Variants in EXOSC1 observed in about 807,000 individuals in gnomAD.
The protein encoded by EXOSC1 is exosome complex component CSL4.
EXOSC1 carries 27 observed loss-of-function variants against 31.4 expected under a neutral mutation model. The ratio of observed to expected loss-of-function variants is 0.86; its 90% CI spans 0.63 to 1.18. The LOEUF (loss-of-function observed/expected upper bound fraction) is 1.18, where lower values mean the gene tolerates loss of function less well. Among genes scored for constraint, EXOSC1 ranks in the 50% most tolerant of loss-of-function variants. The pLI is 0.00. For synonymous variants in EXOSC1, 84 were observed against 89.5 expected (o/e 0.94, Z 0.35); for missense variants, 228 against 250.3 (o/e 0.91, Z 0.60).
chr10:97,444,289 C>CT (rs1159317900), intron 2 of EXOSC1: 38 of 152,316 alleles, frequency 2.5e-4, no homozygotes, highest in African/African-American at 8.9e-4. Flanking sequence ...TGAGCCTCAT[C>CT]TTTTATCAAT....
intron 3 of EXOSC1, among the ~76,000 whole-genome samples, chr10:97,441,792 G>GTT (rs760097494): frequency 3.1e-5 from 4 of 128,248 alleles, no homozygotes; most frequent in South Asian, 2.6e-4. Flanking sequence ...ATCCGGCTGG[G>GTT]TTTTTTTTTT....
intron 5 of EXOSC1, 90 bp downstream of exon 5, chr10:97,438,580 C>T (rs1055350525): frequency 8.5e-5 from 103 of 1,212,656 alleles, no homozygotes; most frequent in African/African-American, 5.5e-4. Flanking sequence ...ACTGGGATTA[C>T]GGGTGTGTGT....
intron 6 of EXOSC1, 70 bp downstream of exon 6, chr10:97,437,630 G>T: frequency 1.4e-6 from 2 of 1,463,874 alleles, no homozygotes; most frequent in South Asian, 2.3e-5. Context: ...TTACAGGCAT[G>T]AGCCACCACA....
intron 2 of EXOSC1, among the ~76,000 whole-genome samples, 185 bp from the exon 3 acceptor site, chr10:97,443,496 T>A (rs1265275051): frequency 6.6e-6 from 1 of 152,238 alleles, no homozygotes; most frequent in African/African-American, 2.4e-5. Context: ...GGCTACAGAA[T>A]GCTGCTAGAA....
Position 97,441,874 on chromosome 10 carries a change from TAAA to T in EXOSC1, c.223-618_223-616del, listed in dbSNP as rs1006887767. On this transcript the variant is annotated intron_variant, in intron 3 of 7. Transcript: ENST00000370902. ...TTTTAAAGTATAGATGGCTAACAAT[TAAA>T]AAAAAAAAAAAAAAAGAGGCTGGAC... is the stretch of plus-strand genomic sequence containing the variant. 4.7e-5 allele frequency among the ~76,000 whole-genome samples: 5 copies of T among 105,854 alleles called. No homozygotes were observed. In the South Asian group the frequency reaches 1.3e-3, roughly 27 times the overall value. 69.4% of individuals were successfully genotyped at this position (105,854 alleles called of 152,430 possible).
At position 97,437,218 on chromosome 10, in the gene EXOSC1, C is replaced by T; in HGVS notation, c.454G>A (p.Gly152Arg). The T allele has an allele frequency of 6.2e-7, 1 of 1,614,142 alleles. No individual in the cohort carries two copies. The highest frequency in any genetic ancestry group is 2.2e-5 in the East Asian group (1 of 44,882). ...YLLTTAENEL[G>R]VVVAHSESGI... ...GACTCACTGTGGGCTACCACCACTC[C>T]CAGCTCGTTCTCGGCGGTGGTTAGC... Residue 152 changes from glycine to arginine, a missense_variant, in exon 7 of 8, where the codon GGA (glycine) becomes AGA (arginine). Gly to Arg is a moderately radical substitution (Grantham distance 125, BLOSUM62 -2). Coordinates refer to ENST00000370902, the MANE Select transcript of EXOSC1 (RefSeq NM_016046.5).
intron 2 of EXOSC1, chr10:97,443,800 G>GT (rs936479877): frequency 2.9e-4 from 43 of 150,764 alleles, no homozygotes; most frequent in South Asian, 4.2e-4. Flanking sequence ...TACTTTTTTT[G>GT]TTTTTTTTTG....
chr10:97,443,066 C>A lies in EXOSC1; in HGVS notation c.222+171G>T, dbSNP rs189439342. On this transcript the variant is annotated intron_variant, in intron 3 of 7. Transcript: ENST00000370902. ...GTCTTGAACTCTGGGCTGAAGCAATCCTCCTGCCTCGGCCTCTTAAAGTGC... is the reference window on the plus strand; with the variant it reads ...GTCTTGAACTCTGGGCTGAAGCAATACTCCTGCCTCGGCCTCTTAAAGTGC... 5.3e-3 allele frequency among the ~76,000 whole-genome samples: 806 copies of A among 152,254 alleles called. 7 individuals are homozygous for A. The highest frequency in any genetic ancestry group is 0.019 in the African/African-American group (780 of 41,550).
chr10:97,438,623 G>A, intron 5 of EXOSC1, 47 bp downstream of exon 5: 1 of 1,573,146 alleles, frequency 6.4e-7, no homozygotes, highest in South Asian at 1.1e-5. Context: ...TACTTTTAAG[G>A]GATTGAGATA....
intron 2 of EXOSC1, chr10:97,444,174 A>G (rs925186403): frequency 2.6e-5 from 4 of 152,224 alleles, no homozygotes; most frequent in African/African-American, 7.2e-5. Context: ...TTCCACAAAA[A>G]TGTTACATAA....
chr10:97,436,700 T>C (rs1289619445), intron 7 of EXOSC1, 149 bp from the exon 8 acceptor site: 3 of 636,352 alleles, frequency 4.7e-6, no homozygotes, highest in African/African-American at 3.8e-5. Flanking sequence ...TACTGACTTA[T>C]GAAGTGAGTC....
At chr10:97,437,905 G>C (rs570819031) in intron 5 of EXOSC1, among the ~76,000 whole-genome samples, 155 bp from the exon 6 acceptor site, 1 of 152,212 alleles carries the variant, frequency 6.6e-6, no homozygotes, top group East Asian at 1.9e-4. Flanking sequence ...TGCTTCTACA[G>C]TATTATCATA....
At chr10:97,437,951 G>C (rs562880726) in intron 5 of EXOSC1, among the ~76,000 whole-genome samples, 1 of 151,542 alleles carries the variant, frequency 6.6e-6, no homozygotes, top group Non-Finnish European at 1.5e-5. Context: ...ATGGAGTCTC[G>C]CTCTGTCGCC....
chr10:97,441,118 T>C lies in EXOSC1; in HGVS notation c.311+53A>G. Reference sequence around the variant, plus strand: ...TGCTCAAAATTCTGGTGTCCTAGTCTATCCTAATCTTATTCCAGTTGCTAA... The same window carrying C: ...TGCTCAAAATTCTGGTGTCCTAGTCCATCCTAATCTTATTCCAGTTGCTAA... On this transcript the variant is annotated intron_variant, in intron 4 of 7. Transcript: ENST00000370902. The C allele has an allele frequency of 2.1e-6, 3 of 1,425,416 alleles. No homozygotes were observed. The East Asian group carries it at 6.9e-5, about 33-fold the overall frequency. 88.3% of individuals were successfully genotyped at this position (1,425,416 alleles called of 1,614,324 possible). A position where few individuals can be genotyped will look rare whatever the true frequency, so the allele number is the denominator to read the frequency against.
At chr10:97,445,642 G>A in intron 2 of EXOSC1, 90 bp downstream of exon 2, 1 of 1,204,892 alleles carries the variant, frequency 8.3e-7, no homozygotes, top group African/African-American at 1.5e-5. Context: ...AGGCACTAAA[G>A]ACGCGTCCGC....
At chr10:97,438,645 T>TA (rs753152967) in intron 5 of EXOSC1, 25 bp downstream of exon 5, 4,842 of 1,444,686 alleles carry the variant, frequency 3.4e-3, no homozygotes, top group Non-Finnish European at 3.6e-3. Context: ...GTAAAGCCAT[T>TA]AAAAAAAAAG....
At chr10:97,445,517 C>A (rs1845920084) in intron 2 of EXOSC1, 7 of 585,866 alleles carry the variant, frequency 1.2e-5, no homozygotes, top group Non-Finnish European at 2.1e-5. Context: ...CAACTTCCCT[C>A]CCCGAGGGTC....
At position 97,441,243 on chromosome 10, in the gene EXOSC1, G is replaced by C; in HGVS notation, c.239C>G (p.Ser80Ter). The C allele has an allele frequency of 6.2e-7, 1 of 1,614,046 alleles. No individual in the cohort carries two copies. The highest frequency in any genetic ancestry group is 8.5e-7 in the Non-Finnish European group (1 of 1,179,938). The part of the protein sequence containing the change: ...IVTCKVSSIN[S>*]RFAKVHILYV... ...CAGGATGTGTACTTTGGCAAAGCGTGAATTGATGCTAGAGACCTGCGGAAT... is the reference window on the plus strand; with the variant it reads ...CAGGATGTGTACTTTGGCAAAGCGTCAATTGATGCTAGAGACCTGCGGAAT... Residue 80 changes from serine to a stop codon, truncating the protein, a stop_gained, in exon 4 of 8, where the codon TCA (serine) becomes TGA (stop). Transcript: ENST00000370902. LOFTEE classifies it high-confidence loss of function.
Position 97,445,982 on chromosome 10 carries a change from C to T in EXOSC1, c.4G>A (p.Ala2Thr), listed in dbSNP as rs1343051511. 8 of 1,614,096 alleles carry T rather than the reference C, an allele frequency of 5.0e-6. No homozygotes were observed. The highest frequency in any genetic ancestry group is 2.7e-5 in the African/African-American group (2 of 74,928). The change falls in exon 1 of 8, where the codon GCG becomes ACG. Residue 2 changes from alanine to threonine, a missense_variant. Transcript: ENST00000370902. Reference sequence around the variant, plus strand: ...GGGATGCAGTATCTCACAGGTGGCGCCATGATTGCCGCTGTCCCAAAACCA... The same window carrying T: ...GGGATGCAGTATCTCACAGGTGGCGTCATGATTGCCGCTGTCCCAAAACCA... MAPPVRYCIPGE... is the reference protein window; with the variant it reads MTPPVRYCIPGE...
Sources: allele counts gnomAD v4.1 joint callset (sites outside exome capture counted in the v4.1 genomes callset), GRCh38; gene constraint gnomAD v4.1.1; transcripts MANE v1.5; gene names NCBI Gene and HGNC (gene_info 2026-07-23, HGNC 2026-07-21).